The following KRTAP4-11 variants were observed in gnomAD, a reference collection of about 807,000 sequenced individuals.
KRTAP4-11 encodes keratin associated protein 4-11, also known as keratin-associated protein 4-11.
Under a neutral mutation model 3.4 loss-of-function variants are expected in KRTAP4-11, and 3 were observed. That is an observed-to-expected ratio of 0.87 (90% CI 0.40 to 2.26). KRTAP4-11 has a LOEUF of 2.26. Among genes scored for constraint, KRTAP4-11 ranks in the 30% most tolerant of loss-of-function variants. The pLI is 0.05. For synonymous variants in KRTAP4-11, 94 were observed against 89.4 expected, an observed-to-expected ratio of 1.05 and a Z score of -0.29; for missense variants, 248 against 258.8, an observed-to-expected ratio of 0.96 and a Z score of 0.29.
Position 41,117,723 on chromosome 17 carries a change from T to C in KRTAP4-11, c.*5A>G. 1 of 1,571,152 alleles carries C rather than the reference T, an allele frequency of 6.4e-7. No individual in the cohort carries two copies. Among genetic ancestry groups the C allele is most frequent in the East Asian group, 2.4e-5 (1 of 42,386 alleles). ...TGAAGGGAGAGATGAGCCAGGGCAGTGGGCTCAGCAGCAAGAGGAGGCACA... is the reference window on the plus strand; with the variant it reads ...TGAAGGGAGAGATGAGCCAGGGCAGCGGGCTCAGCAGCAAGAGGAGGCACA... On this transcript the variant is annotated 3_prime_UTR_variant, in exon 1 of 1. Transcript: ENST00000391413.
At position 41,117,645 on chromosome 17, in the gene KRTAP4-11, C is replaced by T; in HGVS notation, c.*83G>A. 6.7e-7 allele frequency: 1 copy of T among 1,494,824 alleles called. No individual in the cohort carries two copies. The highest frequency in any genetic ancestry group is 1.4e-5 in the South Asian group (1 of 73,944). 92.6% of individuals were successfully genotyped at this position (1,494,824 alleles called of 1,614,324 possible). On this transcript the variant is annotated 3_prime_UTR_variant, in exon 1 of 1. Coordinates refer to ENST00000391413, the MANE Select transcript of KRTAP4-11 (RefSeq NM_033059.4). ...CTGCTGAATGACATCAATCCCACTC[C>T]ATGTGTCCTAATAGTCAGCACAGAA...
In KRTAP4-11 at chr17:41,117,651, T is replaced by C; in HGVS notation, c.*77A>G. 1 of 1,505,734 alleles carries C rather than the reference T, an allele frequency of 6.6e-7. No individual in the cohort carries two copies. Among genetic ancestry groups the C allele is most frequent in the Non-Finnish European group, 8.9e-7 (1 of 1,122,722 alleles). The allele number at this position is 1,505,734 out of a possible 1,614,324, so 93.3% of individuals were successfully genotyped here. A position where few individuals can be genotyped will look rare whatever the true frequency, so the allele number is the denominator to read the frequency against. ...AATGACATCAATCCCACTCCATGTG[T>C]CCTAATAGTCAGCACAGAAGAATGG... On this transcript the variant is annotated 3_prime_UTR_variant, in exon 1 of 1. Transcript: ENST00000391413.
chr17:41,117,745 C>A lies in KRTAP4-11; in HGVS notation c.571G>T (p.Ala191Ser). ...CAGTGGGCTCAGCAGCAAGAGGAGG[C>A]ACAGCACAAGGGGCGGGGGCAGCTG... ...ISSCPRPLCC[A>S]SSCC The change falls in exon 1 of 1, where the codon GCC (alanine) becomes TCC (serine). Residue 191 changes from alanine (A) to serine (S), a missense_variant. This residue lies in a region of KRTAP4-11 where 131 missense variants were observed against 130.2 expected (regional missense o/e 1.01). Coordinates refer to ENST00000391413, the MANE Select transcript of KRTAP4-11 (RefSeq NM_033059.4). The A allele has an allele frequency of 6.3e-7, 1 of 1,584,726 alleles. No individual in the cohort carries two copies. The highest frequency in any genetic ancestry group is 8.6e-7 in the Non-Finnish European group (1 of 1,165,674).
chr17:41,118,014 C>T lies in KRTAP4-11; in HGVS notation c.302G>A (p.Arg101His), dbSNP rs753581861. The change falls in exon 1 of 1, where the codon CGC becomes CAC. Residue 101 changes from arginine (R) to histidine (H), a missense_variant. Arg to His is a conservative substitution (Grantham distance 29). Around this residue, in one of 3 missense-constraint regions of KRTAP4-11, gnomAD observed 131 missense variants for 130.2 expected, o/e 1.01. Coordinates refer to ENST00000391413, the MANE Select transcript of KRTAP4-11 (RefSeq NM_033059.4). ...GCAGCTGGAGATGCAGCATCTGGGG[C>T]GGCAGCAAGTGGGCTGGCAGCACAT... The part of the protein sequence containing the change: ...QSMCCQPTCC[R>H]PRCCISSCCR... 5.9e-5 allele frequency: 82 copies of T among 1,390,144 alleles called. 3 individuals are homozygous for T. In the African/African-American group the frequency reaches 8.1e-4, roughly 14 times the overall value. 86.1% of individuals were successfully genotyped at this position (1,390,144 alleles called of 1,614,324 possible). A position where few individuals can be genotyped will look rare whatever the true frequency, so the allele number is the denominator to read the frequency against.
Position 41,117,782 on chromosome 17 carries a change from G to C in KRTAP4-11, c.534C>G (p.Thr178=), listed in dbSNP as rs1052802002. The change falls in exon 1 of 1, where the codon ACC becomes ACG. Residue 178 remains threonine (T), a synonymous_variant. Transcript: ENST00000391413. ...VSCHTTCYRP[T]CVISSCPRPL... ...GGCGGGGGCAGCTGGAGATGACACA[G>C]GTTGGGCGATAGCAAGTGGTGTGGC... 1 of 1,596,694 alleles carries C rather than the reference G, an allele frequency of 6.3e-7. No homozygotes were observed. Among genetic ancestry groups the C allele is most frequent in the Non-Finnish European group, 8.5e-7 (1 of 1,171,696 alleles).
rs778907472 is a variant in KRTAP4-11, at chr17:41,118,016, G to A, written c.300C>T (p.Cys100=). ...AGCTGGAGATGCAGCATCTGGGGCG[G>A]CAGCAAGTGGGCTGGCAGCACATAG... ...CQSMCCQPTC[C]RPRCCISSCC... is the part of the protein sequence containing the mutation. Residue 100 remains cysteine, a synonymous_variant, in exon 1 of 1, where the codon TGC becomes TGT. Coordinates refer to ENST00000391413, the MANE Select transcript of KRTAP4-11 (RefSeq NM_033059.4). The A allele has an allele frequency of 1.2e-5, 18 of 1,474,388 alleles. No individual in the cohort carries two copies. Among genetic ancestry groups the A allele is most frequent in the African/African-American group, 4.6e-5 (3 of 65,096 alleles). 91.3% of individuals were successfully genotyped at this position (1,474,388 alleles called of 1,614,324 possible).
Position 41,117,426 on chromosome 17 carries a change from G to A in KRTAP4-11, c.*302C>T. The A allele has an allele frequency of 1.9e-6, 1 of 529,824 alleles. No individual in the cohort carries two copies. Among genetic ancestry groups the A allele is most frequent in the East Asian group, 3.2e-5 (1 of 31,544 alleles). The allele number at this position is 529,824 out of a possible 1,614,324, so 32.8% of individuals were successfully genotyped here. On this transcript the variant is annotated 3_prime_UTR_variant, in exon 1 of 1. Transcript: ENST00000391413. ...ACCTCACTGGGAAGGATATTCTGTA[G>A]GCTCAAAACGATTTAAAAAATGAGG...
rs1233927297 is a variant in KRTAP4-11, at chr17:41,118,338, A to G, written c.-23T>C. ...CATGGTGTCAGAGGGTGAAGGATCT[A>G]GTTGGGTTTCTAGGAGAGTGAAGTT... On this transcript the variant is annotated 5_prime_UTR_variant, in exon 1 of 1. Transcript: ENST00000391413. 7 of 1,575,654 alleles carry G rather than the reference A, an allele frequency of 4.4e-6. No homozygotes were observed. Among genetic ancestry groups the G allele is most frequent in the East Asian group, 2.2e-5 (1 of 44,606 alleles).
Position 41,118,339 on chromosome 17 carries a change from G to GT in KRTAP4-11, c.-25dup. 6.4e-7 allele frequency: 1 copy of GT among 1,574,420 alleles called. No individual in the cohort carries two copies. Among genetic ancestry groups the GT allele is most frequent in the Non-Finnish European group, 8.6e-7 (1 of 1,159,018 alleles). On this transcript the variant is annotated 5_prime_UTR_variant, in exon 1 of 1. Coordinates refer to ENST00000391413, the MANE Select transcript of KRTAP4-11 (RefSeq NM_033059.4). The stretch of plus-strand genomic sequence containing the variant: ...ATGGTGTCAGAGGGTGAAGGATCTA[G>GT]TTGGGTTTCTAGGAGAGTGAAGTTC...
Position 41,117,350 on chromosome 17 carries a change from T to C in KRTAP4-11, c.*378A>G. ...CTCCTACCTTTCCAAGAGAAAAGAA[T>C]GACTGAAAGGCTGACAGACAAATAA... On this transcript the variant is annotated 3_prime_UTR_variant, in exon 1 of 1. Transcript: ENST00000391413. The C allele has an allele frequency of 3.7e-6, 1 of 270,132 alleles. No homozygotes were observed. Among genetic ancestry groups the C allele is most frequent in the Non-Finnish European group, 6.9e-6 (1 of 143,928 alleles). 16.7% of individuals were successfully genotyped at this position (270,132 alleles called of 1,614,324 possible). A position where few individuals can be genotyped will look rare whatever the true frequency, so the allele number is the denominator to read the frequency against.
Position 41,118,256 on chromosome 17 carries a change from G to T in KRTAP4-11, c.60C>A (p.Cys20Ter). ...AGCTGGGGCGGCAGCAGGTCTCCTG[G>T]CAGAGGTCTCGGCCACAGCCTTGGT... ...CSHQGCGRDL[C>*]QETCCRPSCC... Residue 20 changes from cysteine to a stop codon, truncating the protein, a stop_gained, in exon 1 of 1, where the codon TGC (cysteine) becomes TGA (stop). Coordinates refer to ENST00000391413, the MANE Select transcript of KRTAP4-11 (RefSeq NM_033059.4). LOFTEE classifies it low-confidence loss of function (END_TRUNC). The T allele has an allele frequency of 6.2e-7, 1 of 1,613,388 alleles. No individual in the cohort carries two copies. The highest frequency in any genetic ancestry group is 8.5e-7 in the Non-Finnish European group (1 of 1,179,834).
In KRTAP4-11 at chr17:41,117,701, A is replaced by G. The variant is rs1368984834; in HGVS notation, c.*27T>C. The G allele has an allele frequency of 1.3e-6, 2 of 1,555,932 alleles. No individual in the cohort carries two copies. Among genetic ancestry groups the G allele is most frequent in the Non-Finnish European group, 1.7e-6 (2 of 1,149,516 alleles). On this transcript the variant is annotated 3_prime_UTR_variant, in exon 1 of 1. Transcript: ENST00000391413. ...GTCTACAACTGTGGGCCTGCAGTGA[A>G]GGGAGAGATGAGCCAGGGCAGTGGG...
At position 41,117,486 on chromosome 17, in the gene KRTAP4-11, G is replaced by A. The variant is rs929242391; in HGVS notation, c.*242C>T. On this transcript the variant is annotated 3_prime_UTR_variant, in exon 1 of 1. Transcript: ENST00000391413. ...GATTGGAATAATTTCTTAGCTAGTGGATTACAAATTATTTCATATTTGGTG... is the reference window on the plus strand; with the variant it reads ...GATTGGAATAATTTCTTAGCTAGTGAATTACAAATTATTTCATATTTGGTG... 9 of 664,210 alleles carry A rather than the reference G, an allele frequency of 1.4e-5. No homozygotes were observed. The highest frequency in any genetic ancestry group is 3.3e-5 in the Admixed American group (1 of 30,446). The allele number at this position is 664,210 out of a possible 1,614,324, so 41.1% of individuals were successfully genotyped here. A position where few individuals can be genotyped will look rare whatever the true frequency, so the allele number is the denominator to read the frequency against.
Position 41,117,985 on chromosome 17 carries a change from G to T in KRTAP4-11, c.331C>A (p.Arg111Ser). 1 of 1,491,686 alleles carries T rather than the reference G, an allele frequency of 6.7e-7. No homozygotes were observed. The highest frequency in any genetic ancestry group is 1.9e-4 in the Middle Eastern group (1 of 5,194). 92.4% of individuals were successfully genotyped at this position (1,491,686 alleles called of 1,614,324 possible). A position where few individuals can be genotyped will look rare whatever the true frequency, so the allele number is the denominator to read the frequency against. Residue 111 changes from arginine (R) to serine (S), a missense_variant, in exon 1 of 1, where the codon CGC becomes AGC. Around this residue, in one of 3 missense-constraint regions of KRTAP4-11, gnomAD observed 131 missense variants for 130.2 expected, o/e 1.01. Transcript: ENST00000391413. Reference protein sequence around the residue: ...RPRCCISSCCRPSCCVSSCCR... With the variant: ...RPRCCISSCCSPSCCVSSCCR... Reference sequence around the variant, plus strand: ...CAGCTGGACACACAGCAGCTGGGGCGACAGCAGCTGGAGATGCAGCATCTG... The same window carrying T: ...CAGCTGGACACACAGCAGCTGGGGCTACAGCAGCTGGAGATGCAGCATCTG...
chr17:41,117,534 G>A lies in KRTAP4-11; in HGVS notation c.*194C>T, dbSNP rs1381499931. On this transcript the variant is annotated 3_prime_UTR_variant, in exon 1 of 1. Transcript: ENST00000391413. ...GTGCCATGACTGGAAGAGAAAGAAA[G>A]CAAGGGAGGGAGTTTAAAATGAACC... 7 of 898,584 alleles carry A rather than the reference G, an allele frequency of 7.8e-6. No individual in the cohort carries two copies. The East Asian group carries it at 1.6e-4, about 21-fold the overall frequency. 55.7% of individuals were successfully genotyped at this position (898,584 alleles called of 1,614,324 possible).
In KRTAP4-11 at chr17:41,117,962, G is replaced by A. The variant is rs748161231; in HGVS notation, c.354C>T (p.Ser118=). The part of the protein sequence containing the change: ...SCCRPSCCVS[S]CCRPQCCQSV... ...ACTGGCAGCACTGGGGTCTGCAGCA[G>A]CTGGACACACAGCAGCTGGGGCGAC... Residue 118 remains serine, a synonymous_variant, in exon 1 of 1, where the codon AGC becomes AGT. Coordinates refer to ENST00000391413, the MANE Select transcript of KRTAP4-11 (RefSeq NM_033059.4). 6.7e-6 allele frequency: 10 copies of A among 1,495,956 alleles called. No homozygotes were observed. Among genetic ancestry groups the A allele is most frequent in the Non-Finnish European group, 9.0e-6 (10 of 1,113,480 alleles). The allele number at this position is 1,495,956 out of a possible 1,614,324, so 92.7% of individuals were successfully genotyped here. A position where few individuals can be genotyped will look rare whatever the true frequency, so the allele number is the denominator to read the frequency against.
Position 41,118,089 on chromosome 17 carries a change from C to G in KRTAP4-11, c.227G>C (p.Arg76Pro). The part of the protein sequence containing the change: ...RPRCCISSCC[R>P]PSCCVSSCCK... ...GCAGCTGGACACACAGCAGCTGGGG[C>G]GACAGCAGCTGGAGATGCAGCATCT... Residue 76 changes from arginine (R) to proline (P), a missense_variant, in exon 1 of 1, where the codon CGC becomes CCC. Arg to Pro is a moderately radical substitution (Grantham distance 103). Around this residue, in one of 3 missense-constraint regions of KRTAP4-11, gnomAD observed 110 missense variants for 102.8 expected, o/e 1.07. Coordinates refer to ENST00000391413, the MANE Select transcript of KRTAP4-11 (RefSeq NM_033059.4). 6.3e-7 allele frequency: 1 copy of G among 1,583,592 alleles called. No individual in the cohort carries two copies. Among genetic ancestry groups the G allele is most frequent in the East Asian group, 2.3e-5 (1 of 44,082 alleles).
chr17:41,118,124 G>T lies in KRTAP4-11; in HGVS notation c.192C>A (p.Cys64Ter). The change falls in exon 1 of 1, where the codon TGC becomes TGA. Residue 64 changes from cysteine (C) to a stop codon, truncating the protein, a stop_gained. Transcript: ENST00000391413. LOFTEE classifies it low-confidence loss of function (END_TRUNC). ...CCQSVCCQPT[C>*]CRPRCCISSC... is the part of the protein sequence containing the mutation. ...TGGAGATGCAGCATCTGGGGCGGCA[G>T]CAGGTGGGCTGGCAGCACACAGACT... 6.4e-7 allele frequency: 1 copy of T among 1,566,614 alleles called. No homozygotes were observed. The highest frequency in any genetic ancestry group is 1.2e-5 in the South Asian group (1 of 85,984).
Position 41,118,202 on chromosome 17 carries a change from G to A in KRTAP4-11, c.114C>T (p.Thr38=), listed in dbSNP as rs1456212425. 1 of 1,609,896 alleles carries A rather than the reference G, an allele frequency of 6.2e-7. No individual in the cohort carries two copies. The highest frequency in any genetic ancestry group is 1.3e-5 in the African/African-American group (1 of 74,610). The part of the protein sequence containing the change: ...SCCETTCCRT[T]YCRPSCCVSS... ...ACACACAGCAGCTGGGGCGACAGTA[G>A]GTGGTCCTGCAGCAGGTGGTCTCAC... Residue 38 remains threonine, a synonymous_variant, in exon 1 of 1, where the codon ACC becomes ACT. Transcript: ENST00000391413.
Sources: allele counts gnomAD v4.1 joint callset, GRCh38; gene constraint gnomAD v4.1.1; regional missense constraint gnomAD v4.1.1; transcripts MANE v1.5; gene names NCBI Gene and HGNC (gene_info 2026-07-23, HGNC 2026-07-21).